TEC: variants seen among roughly 807,000 people sequenced by gnomAD.
The protein encoded by TEC is tec protein tyrosine kinase, also known as tyrosine-protein kinase Tec.
Under a neutral mutation model 93.0 loss-of-function variants are expected in TEC, and 72 were observed. The observed-to-expected ratio is 0.77, with a 90% CI of 0.64 to 0.94. TEC has a LOEUF of 0.94. Ranked by LOEUF, TEC falls within the 40% of genes least tolerant of loss-of-function variation. TEC has a pLI of 0.00. For missense variants in TEC, 630 were observed against 757.9 expected (o/e 0.83, Z 1.98); for synonymous variants, 249 against 247.7 (o/e 1.01, Z -0.05).
At chr4:48,162,438 G>A (rs575491260) in intron 8 of TEC, among the ~76,000 whole-genome samples, 3 of 152,300 alleles carry the variant, frequency 2.0e-5, no homozygotes, top group South Asian at 2.1e-4. Context: ...CTCATATTTA[G>A]ATAAGGATTA....
In TEC at chr4:48,137,148, G is replaced by A; in HGVS notation, c.*268C>T. 2.2e-6 allele frequency: 1 copy of A among 453,400 alleles called. No homozygotes were observed. The highest frequency in any genetic ancestry group is 4.0e-6 in the Non-Finnish European group (1 of 252,054). 28.1% of individuals were successfully genotyped at this position (453,400 alleles called of 1,614,324 possible). On this transcript the variant is annotated 3_prime_UTR_variant, in exon 18 of 18. Coordinates refer to ENST00000381501, the MANE Select transcript of TEC (RefSeq NM_003215.3). ...GCCAAACCCTGGGGCTACACACAGTGCCTGGTAAACAACTGTCACTCAAGT... is the reference window on the plus strand; with the variant it reads ...GCCAAACCCTGGGGCTACACACAGTACCTGGTAAACAACTGTCACTCAAGT...
At chr4:48,170,606 G>A (rs1231088541) in intron 4 of TEC, among the ~76,000 whole-genome samples, 1 of 152,176 alleles carries the variant, frequency 6.6e-6, no homozygotes, top group Non-Finnish European at 1.5e-5. Context: ...CTACACCAAT[G>A]ATGGATAAAT....
chr4:48,267,443 C>T (rs1377381119), intron 1 of TEC, among the ~76,000 whole-genome samples: 1 of 152,190 alleles, frequency 6.6e-6, no homozygotes, highest in Non-Finnish European at 1.5e-5. Flanking sequence ...TACTAGGCCC[C>T]TTCCTTCTGG....
chr4:48,146,360 C>T lies in TEC; in HGVS notation c.1046G>A (p.Gly349Glu). The T allele has an allele frequency of 6.2e-7, 1 of 1,613,670 alleles. No homozygotes were observed. The highest frequency in any genetic ancestry group is 1.1e-5 in the South Asian group (1 of 91,054). Residue 349 changes from glycine to glutamate, a missense_variant, in exon 12 of 18, where the codon GGG becomes GAG. Transcript: ENST00000381501. ...TCCTGCAGTGGTGGGTGCATTCTTC[C>T]CTTTCACACTAACTGGGTACCGAAG... ...TRLRYPVSVKGKNAPTTAGFS... is the reference protein window; with the variant it reads ...TRLRYPVSVKEKNAPTTAGFS...
chr4:48,165,161 G>T (rs554074711), intron 7 of TEC, among the ~76,000 whole-genome samples: 1 of 152,118 alleles, frequency 6.6e-6, no homozygotes, highest in Non-Finnish European at 1.5e-5. Flanking sequence ...AGCCACCATC[G>T]ACCTAATTTG....
chr4:48,251,361 T>C (rs1414593091), intron 1 of TEC, among the ~76,000 whole-genome samples: 1 of 152,206 alleles, frequency 6.6e-6, no homozygotes, highest in Non-Finnish European at 1.5e-5. Context: ...AGTTTTCTTC[T>C]TATAACTCAA....
chr4:48,186,754 C>T (rs1290389493), intron 2 of TEC, among the ~76,000 whole-genome samples: 6 of 151,022 alleles, frequency 4.0e-5, no homozygotes, highest in African/African-American at 1.5e-4. Context: ...CCGCCCCGTC[C>T]GGGAGGGAGG....
chr4:48,246,463 T>C (rs1318688057), intron 1 of TEC, among the ~76,000 whole-genome samples: 2 of 145,674 alleles, frequency 1.4e-5, no homozygotes, highest in Admixed American at 6.9e-5. Flanking sequence ...GACAAAACTA[T>C]CTTGAAAAAA....
chr4:48,172,010 T>C (rs1490416242), intron 3 of TEC, among the ~76,000 whole-genome samples: 1 of 152,212 alleles, frequency 6.6e-6, no homozygotes, highest in African/African-American at 2.4e-5. Flanking sequence ...ATACCACTCA[T>C]GCACCATGCA....
intron 2 of TEC, among the ~76,000 whole-genome samples, chr4:48,183,094 A>G (rs1721660982): frequency 6.6e-6 from 1 of 152,166 alleles, no homozygotes; most frequent in Non-Finnish European, 1.5e-5. Flanking sequence ...CTGCATTGCA[A>G]GAGGACCTCA....
rs543587577 is a variant in TEC, at chr4:48,254,801, T to C, written c.-46+14951A>G. ...CCAGATCCATTTGTGGGCTATGCCA[T>C]AGGGCAGGATGGAGGGGCGGGGGCT... On this transcript the variant is annotated intron_variant, in intron 1 of 17. Transcript: ENST00000381501. 3.3e-5 allele frequency among the ~76,000 whole-genome samples: 5 copies of C among 152,254 alleles called. No homozygotes were observed. The South Asian group carries it at 8.3e-4, about 25-fold the overall frequency.
At chr4:48,250,703 A>G (rs1724176977) in intron 1 of TEC, among the ~76,000 whole-genome samples, 1 of 152,166 alleles carries the variant, frequency 6.6e-6, no homozygotes, top group Admixed American at 6.5e-5. Context: ...GACCATCCCT[A>G]TACTAGTTGA....
chr4:48,142,749 T>TGGCTCACTGCAACCTC (rs1179461782), intron 14 of TEC, among the ~76,000 whole-genome samples: 1 of 152,000 alleles, frequency 6.6e-6, no homozygotes, highest in Non-Finnish European at 1.5e-5. Context: ...GGTGCGACCT[T>TGGCTCACTGCAACCTC]GGCTCACTGC....
intron 2 of TEC, among the ~76,000 whole-genome samples, chr4:48,221,817 T>C (rs1723271215): frequency 6.6e-6 from 1 of 152,056 alleles, no homozygotes; most frequent in Non-Finnish European, 1.5e-5. Context: ...AGATCCCCCA[T>C]CCTAAAGTCA....
intron 2 of TEC, among the ~76,000 whole-genome samples, chr4:48,227,455 C>G (rs527883134): frequency 2.8e-4 from 42 of 151,832 alleles, no homozygotes; most frequent in Non-Finnish European, 5.6e-4. Flanking sequence ...CCAGCCTGGC[C>G]AATATGGTGA....
At chr4:48,254,555 G>A (rs1724290926) in intron 1 of TEC, among the ~76,000 whole-genome samples, 1 of 152,240 alleles carries the variant, frequency 6.6e-6, no homozygotes, top group Non-Finnish European at 1.5e-5. Context: ...TACATAGAAA[G>A]ACAGTTGATT....
intron 1 of TEC, among the ~76,000 whole-genome samples, chr4:48,244,327 T>TAAGTAA (rs1434207434): frequency 1.3e-5 from 2 of 152,202 alleles, no homozygotes; most frequent in African/African-American, 4.8e-5. Flanking sequence ...CAGTTCCACG[T>TAAGTAA]GGCTGGGGAA....
intron 2 of TEC, among the ~76,000 whole-genome samples, chr4:48,212,110 A>ATATATATATAT (rs1553892128): frequency 1.1e-4 from 14 of 122,246 alleles, no homozygotes; most frequent in Non-Finnish European, 2.2e-4. Context: ...AAAAAAAAAA[A>ATATATATATAT]ATATATATAT....
At chr4:48,176,880 A>T (rs1190589279) in intron 2 of TEC, among the ~76,000 whole-genome samples, 1 of 152,208 alleles carries the variant, frequency 6.6e-6, no homozygotes, top group Non-Finnish European at 1.5e-5. Flanking sequence ...ACTCAATCAC[A>T]CATGCAACTT....
Sources: allele counts gnomAD v4.1 joint callset (sites outside exome capture counted in the v4.1 genomes callset), GRCh38; gene constraint gnomAD v4.1.1; transcripts MANE v1.5; gene names NCBI Gene and HGNC (gene_info 2026-07-23, HGNC 2026-07-21).